SLC44A1: variants seen among roughly 807,000 people sequenced by gnomAD.
SLC44A1 encodes the protein choline transporter-like protein 1.
SLC44A1 carries 26 observed loss-of-function variants against 79.3 expected under a neutral mutation model. The observed-to-expected ratio is 0.33, with a 90% CI of 0.24 to 0.46. The LOEUF (loss-of-function observed/expected upper bound fraction) is 0.46, where lower values mean the gene tolerates loss of function less well. Among genes scored for constraint, SLC44A1 ranks in the 20% least tolerant of loss-of-function variants. The pLI, the probability that SLC44A1 is intolerant of heterozygous loss-of-function variation, is 1.00. For missense variants in SLC44A1, 688 were observed against 798.1 expected (o/e 0.86, Z 1.66); for synonymous variants, 263 against 286.2 (o/e 0.92, Z 0.82).
At chr9:105,385,965 T>C in intron 15 of SLC44A1, 1 of 985,452 alleles carries the variant, frequency 1.0e-6, no homozygotes, top group South Asian at 4.7e-5. Flanking sequence ...CTTACATTGC[T>C]GTCCTTTTCC....
chr9:105,333,499 A>G (rs1826817217), intron 3 of SLC44A1, among the ~76,000 whole-genome samples: 1 of 152,156 alleles, frequency 6.6e-6, no homozygotes, highest in Non-Finnish European at 1.5e-5. Context: ...ATCATTTTTA[A>G]AAGTCTTTAT....
chr9:105,417,297 C>T (rs972373012), intron 15 of SLC44A1, among the ~76,000 whole-genome samples: 2 of 152,172 alleles, frequency 1.3e-5, no homozygotes, highest in East Asian at 3.8e-4. Context: ...GATACATTAC[C>T]ATGTTGCCTT....
intron 4 of SLC44A1, among the ~76,000 whole-genome samples, chr9:105,342,651 C>G (rs1429208880): frequency 6.6e-6 from 1 of 152,160 alleles, no homozygotes; most frequent in Non-Finnish European, 1.5e-5. Context: ...ATAGACCACC[C>G]TTCACTTCAC....
intron 5 of SLC44A1, among the ~76,000 whole-genome samples, chr9:105,353,078 C>T (rs1827503665): frequency 6.6e-6 from 1 of 152,034 alleles, no homozygotes; most frequent in Non-Finnish European, 1.5e-5. Flanking sequence ...TTTTGTTATT[C>T]ATTACCACTA....
chr9:105,263,500 T>A (rs451915), intron 1 of SLC44A1, among the ~76,000 whole-genome samples: 3,947 of 152,148 alleles, frequency 0.026, 59 homozygotes, highest in Middle Eastern at 0.097. Flanking sequence ...TGATTAAATC[T>A]ATGTAATTTT....
At chr9:105,435,158 C>CA (rs1200901846) in intron 15 of SLC44A1, among the ~76,000 whole-genome samples, 9 of 133,988 alleles carry the variant, frequency 6.7e-5, no homozygotes, top group African/African-American at 1.4e-4. Context: ...AAAAACAAAA[C>CA]AAAACAAAAA....
intron 4 of SLC44A1, among the ~76,000 whole-genome samples, chr9:105,339,689 T>A (rs1827027937): frequency 1.3e-5 from 2 of 152,050 alleles, no homozygotes; most frequent in South Asian, 4.1e-4. Context: ...TACCCAGGCA[T>A]GGTGGCATGC....
chr9:105,262,090 T>C (rs566338873), intron 1 of SLC44A1, among the ~76,000 whole-genome samples: 1 of 152,244 alleles, frequency 6.6e-6, no homozygotes, highest in Admixed American at 6.5e-5. Flanking sequence ...GGCCCTGTGT[T>C]TCTTATATAG....
intron 2 of SLC44A1, chr9:105,300,048 A>G (rs1753194234): frequency 2.0e-6 from 1 of 510,082 alleles, no homozygotes; most frequent in Non-Finnish European, 2.5e-6. Flanking sequence ...TGGAAAAAAC[A>G]TAGAAAACTG....
In SLC44A1 at chr9:105,391,756, G is replaced by A; in HGVS notation, c.*2700G>A. ...CTTCCATCTTCTGCCCAAGTGAGAA[G>A]AATAGATGAAGAACAGAAATTTCTC... On this transcript the variant is annotated 3_prime_UTR_variant, in exon 16 of 16. Transcript: ENST00000374720. The A allele has an allele frequency of 2.0e-6, 2 of 985,314 alleles. No homozygotes were observed. Among genetic ancestry groups the A allele is most frequent in the Non-Finnish European group, 2.4e-6 (2 of 829,900 alleles). The allele number at this position is 985,314 out of a possible 1,614,324, so 61.0% of individuals were successfully genotyped here. A position where few individuals can be genotyped will look rare whatever the true frequency, so the allele number is the denominator to read the frequency against.
chr9:105,364,059 T>C (rs1827865587), intron 9 of SLC44A1, among the ~76,000 whole-genome samples: 1 of 152,236 alleles, frequency 6.6e-6, no homozygotes, highest in South Asian at 2.1e-4. Flanking sequence ...ACTCAGACTT[T>C]CTTACAGCCG....
intron 2 of SLC44A1, among the ~76,000 whole-genome samples, chr9:105,304,953 T>TGTTTTTTG (rs777167652): frequency 1.4e-5 from 1 of 73,136 alleles, no homozygotes; most frequent in African/African-American, 8.5e-5. Context: ...CGTTTTTTTT[T>TGTTTTTTG]TTTTTTTTTT....
At chr9:105,343,587 A>G (rs1246607993) in intron 4 of SLC44A1, among the ~76,000 whole-genome samples, 1 of 152,220 alleles carries the variant, frequency 6.6e-6, no homozygotes, top group Non-Finnish European at 1.5e-5. Flanking sequence ...TTATAAATGA[A>G]TGAAATGATC....
chr9:105,433,251 G>A (rs528763572), intron 15 of SLC44A1, among the ~76,000 whole-genome samples: 85 of 152,184 alleles, frequency 5.6e-4, no homozygotes, highest in African/African-American at 2.0e-3. Context: ...AGCCAAGATC[G>A]CACCACTGCA....
At chr9:105,342,358 TTAG>T (rs1827120494) in intron 4 of SLC44A1, among the ~76,000 whole-genome samples, 1 of 152,174 alleles carries the variant, frequency 6.6e-6, no homozygotes, top group Admixed American at 6.5e-5. Flanking sequence ...AGTTAGTCTC[TTAG>T]TAGCCCTATC....
chr9:105,388,538 G>A (rs984074714), intron 15 of SLC44A1, among the ~76,000 whole-genome samples: 1 of 152,146 alleles, frequency 6.6e-6, no homozygotes, highest in African/African-American at 2.4e-5. Context: ...AGTAAAATGA[G>A]GTTTTATATT....
intron 15 of SLC44A1, among the ~76,000 whole-genome samples, chr9:105,414,049 G>GTT (rs1201890412): frequency 1.4e-5 from 2 of 144,316 alleles, no homozygotes; most frequent in Non-Finnish European, 3.0e-5. Context: ...GTTAGTGTTT[G>GTT]GTTTTTTTTT....
In SLC44A1 at chr9:105,295,952, A is replaced by G. The variant is rs12350782; in HGVS notation, c.37-3268A>G. 5.4e-3 allele frequency among the ~76,000 whole-genome samples: 818 copies of G among 152,350 alleles called. 6 individuals are homozygous for G. Among genetic ancestry groups the G allele is most frequent in the African/African-American group, 0.019 (792 of 41,574 alleles). ...TTAATAGTAATCAATAACTGATGGC[A>G]TTAACAATGGCAGCTAAAATGAAAT... On this transcript the variant is annotated intron_variant, in intron 1 of 15. Transcript: ENST00000374720.
At chr9:105,257,619 G>A (rs1829742486) in intron 1 of SLC44A1, among the ~76,000 whole-genome samples, 1 of 152,212 alleles carries the variant, frequency 6.6e-6, no homozygotes, top group African/African-American at 2.4e-5. Flanking sequence ...AAGGAGTTCA[G>A]GGGACGGGGA....
Sources: allele counts gnomAD v4.1 joint callset (sites outside exome capture counted in the v4.1 genomes callset), GRCh38; gene constraint gnomAD v4.1.1; transcripts MANE v1.5; gene names NCBI Gene and HGNC (gene_info 2026-07-23, HGNC 2026-07-21).